Variants in SLC2A13 observed in about 807,000 individuals in gnomAD.
SLC2A13 encodes proton myo-inositol cotransporter.
Under a neutral mutation model 64.4 loss-of-function variants are expected in SLC2A13, and 32 were observed. The observed-to-expected ratio is 0.50, with a 90% confidence interval of 0.37 to 0.67. The LOEUF is 0.67. Ranked by LOEUF, SLC2A13 falls within the 30% of genes least tolerant of loss-of-function variation. The probability of loss-of-function intolerance (pLI) is 0.00; values close to 1 mark genes in which losing one functional copy is unlikely to be tolerated. For synonymous variants in SLC2A13, 338 were observed against 327.1 expected, an observed-to-expected ratio of 1.03 and a Z score of -0.36; for missense variants, 743 against 829.2, an observed-to-expected ratio of 0.90 and a Z score of 1.28.
At chr12:39,939,366 G>C (rs1945979585) in intron 4 of SLC2A13, among the ~76,000 whole-genome samples, 1 of 152,182 alleles carries the variant, frequency 6.6e-6, no homozygotes, top group African/African-American at 2.4e-5. Context: ...AGCCTCCTCT[G>C]ATGAGAATGC....
chr12:39,950,973 C>A, intron 4 of SLC2A13: 1 of 383,608 alleles, frequency 2.6e-6, no homozygotes, highest in Non-Finnish European at 4.6e-6. Context: ...GAAAAAATGA[C>A]ACATTTAAGC....
chr12:39,950,476 G>C (rs1946208500), intron 4 of SLC2A13: 1 of 152,114 alleles, frequency 6.6e-6, no homozygotes, highest in Admixed American at 6.5e-5. Flanking sequence ...GTAGAGAATT[G>C]AGAGAGTCCT....
chr12:39,980,829 A>G (rs1243409902), intron 3 of SLC2A13, among the ~76,000 whole-genome samples: 8 of 152,136 alleles, frequency 5.3e-5, no homozygotes, highest in Admixed American at 5.2e-4. Flanking sequence ...CGGACCTAAC[A>G]GACATCTACA....
chr12:39,933,779 G>A (rs1369237668), intron 4 of SLC2A13, among the ~76,000 whole-genome samples: 2 of 152,114 alleles, frequency 1.3e-5, no homozygotes, highest in Non-Finnish European at 2.9e-5. Context: ...TGAGGCCTGA[G>A]CAACTAGAGG....
intron 3 of SLC2A13, among the ~76,000 whole-genome samples, chr12:40,023,423 A>G (rs1192001384): frequency 6.6e-6 from 1 of 152,128 alleles, no homozygotes; most frequent in Non-Finnish European, 1.5e-5. Context: ...CTTTCCTTTC[A>G]TCTCCTCTCA....
intron 1 of SLC2A13, among the ~76,000 whole-genome samples, chr12:40,099,929 C>A (rs1284700905): frequency 1.3e-5 from 2 of 151,932 alleles, no homozygotes; most frequent in Non-Finnish European, 2.9e-5. Context: ...CACCTCCCCC[C>A]AAAACTGTAT....
intron 1 of SLC2A13, among the ~76,000 whole-genome samples, chr12:40,102,922 T>A (rs1939194816): frequency 6.6e-6 from 1 of 152,240 alleles, no homozygotes; most frequent in Non-Finnish European, 1.5e-5. Context: ...ACTGTTTTGT[T>A]TTGAATGCGG....
chr12:39,778,493 C>G (rs1940857861), intron 7 of SLC2A13, among the ~76,000 whole-genome samples: 1 of 152,026 alleles, frequency 6.6e-6, no homozygotes, highest in Admixed American at 6.6e-5. Flanking sequence ...CATGTGAGGG[C>G]CACTCATAAC....
chr12:39,967,495 C>T (rs954453484), intron 3 of SLC2A13, among the ~76,000 whole-genome samples: 6 of 152,156 alleles, frequency 3.9e-5, no homozygotes, highest in African/African-American at 1.4e-4. Flanking sequence ...GCAACATTTA[C>T]ATTAAAAATA....
At chr12:39,945,279 A>G (rs1946114519) in intron 4 of SLC2A13, among the ~76,000 whole-genome samples, 1 of 152,176 alleles carries the variant, frequency 6.6e-6, no homozygotes, top group African/African-American at 2.4e-5. Flanking sequence ...TCTGTCTCAC[A>G]GCTCTTAAGA....
intron 7 of SLC2A13, among the ~76,000 whole-genome samples, chr12:39,792,550 T>A (rs1941439799): frequency 1.3e-5 from 2 of 152,072 alleles, no homozygotes; most frequent in Admixed American, 6.5e-5. Flanking sequence ...GGCAGCACAA[T>A]TCTAGATACT....
At chr12:40,007,705 T>C (rs1271007486) in intron 3 of SLC2A13, among the ~76,000 whole-genome samples, 1 of 152,192 alleles carries the variant, frequency 6.6e-6, no homozygotes, top group Admixed American at 6.5e-5. Context: ...TTAACTTCTC[T>C]ATCAATTTTT....
At chr12:39,981,500 A>T (rs1272184645) in intron 3 of SLC2A13, among the ~76,000 whole-genome samples, 4 of 150,050 alleles carry the variant, frequency 2.7e-5, no homozygotes, top group Non-Finnish European at 6.0e-5. Flanking sequence ...GGATATCACC[A>T]CCGATCCCAC....
At chr12:39,761,157 G>A (rs1402140914) in intron 9 of SLC2A13, among the ~76,000 whole-genome samples, 1 of 151,958 alleles carries the variant, frequency 6.6e-6, no homozygotes, top group African/African-American at 2.4e-5. Context: ...ATATCAGACT[G>A]GGAGTGGGAA....
intron 4 of SLC2A13, among the ~76,000 whole-genome samples, chr12:39,929,946 C>A (rs1592291951): frequency 6.6e-6 from 1 of 151,996 alleles, no homozygotes; most frequent in East Asian, 1.9e-4. Context: ...GCCTGGCCAA[C>A]AGGGTGAAAC....
intron 6 of SLC2A13, among the ~76,000 whole-genome samples, chr12:39,849,978 T>C (rs1442524747): frequency 1.3e-5 from 2 of 152,186 alleles, no homozygotes; most frequent in Admixed American, 1.3e-4. Flanking sequence ...TGGTTTAAAA[T>C]CTATGGATTC....
At chr12:39,844,545 A>G (rs1037629711) in intron 6 of SLC2A13, among the ~76,000 whole-genome samples, 5 of 152,100 alleles carry the variant, frequency 3.3e-5, no homozygotes, top group Non-Finnish European at 5.9e-5. Flanking sequence ...TTAGAAAAGA[A>G]AGCATTCATA....
At chr12:39,947,978 C>T (rs569279855) in intron 4 of SLC2A13, among the ~76,000 whole-genome samples, 1 of 152,188 alleles carries the variant, frequency 6.6e-6, no homozygotes, top group South Asian at 2.1e-4. Context: ...CTTGAATTTA[C>T]TTTAACCATC....
At chr12:39,948,014 CTTTAT>C (rs895467306) in intron 4 of SLC2A13, among the ~76,000 whole-genome samples, 18 of 152,228 alleles carry the variant, frequency 1.2e-4, no homozygotes, top group African/African-American at 3.9e-4. Context: ...CACTCCTCTT[CTTTAT>C]TTTGACACAT....
Sources: allele counts gnomAD v4.1 joint callset (sites outside exome capture counted in the v4.1 genomes callset), GRCh38; gene constraint gnomAD v4.1.1; transcripts MANE v1.5; gene names NCBI Gene and HGNC (gene_info 2026-07-23, HGNC 2026-07-21).